CNTNAP2: variants seen among roughly 807,000 people sequenced by gnomAD.
The protein encoded by CNTNAP2 is contactin associated protein 2.
CNTNAP2 carries 98 observed loss-of-function variants against 155.2 expected under a neutral mutation model. That is an observed-to-expected ratio of 0.63 (90% CI 0.54 to 0.75). The LOEUF (loss-of-function observed/expected upper bound fraction) is 0.75. CNTNAP2 is among the 30% of genes least tolerant of loss of function. CNTNAP2 has a pLI of 0.00. For synonymous variants in CNTNAP2, 651 were observed against 631.2 expected (o/e 1.03, Z -0.47); for missense variants, 1,727 against 1,688.1 (o/e 1.02, Z -0.40).
At chr7:147,601,434 G>A (rs1800941549) in intron 12 of CNTNAP2, among the ~76,000 whole-genome samples, 1 of 151,954 alleles carries the variant, frequency 6.6e-6, no homozygotes. Context: ...TTTGAGCCAG[G>A]ATGAGCTAGG....
chr7:148,389,939 G>T (rs955883638), intron 22 of CNTNAP2: 2 of 152,142 alleles, frequency 1.3e-5, no homozygotes, highest in Non-Finnish European at 2.9e-5. Context: ...CCCTCGGGGG[G>T]ATAGGAGGGA....
chr7:146,655,189 G>A (rs1405562891), intron 1 of CNTNAP2, among the ~76,000 whole-genome samples: 1 of 151,774 alleles, frequency 6.6e-6, no homozygotes, highest in African/African-American at 2.4e-5. Flanking sequence ...GAGGCAGGTG[G>A]ATCACCTGAG....
chr7:146,993,948 A>T (rs190896832), intron 3 of CNTNAP2, among the ~76,000 whole-genome samples: 1 of 152,294 alleles, frequency 6.6e-6, no homozygotes, highest in Non-Finnish European at 1.5e-5. Flanking sequence ...AAATCAAGTA[A>T]GCCAGAATGT....
intron 1 of CNTNAP2, among the ~76,000 whole-genome samples, chr7:146,317,813 G>A (rs1800933947): frequency 6.6e-6 from 1 of 152,196 alleles, no homozygotes; most frequent in Non-Finnish European, 1.5e-5. Context: ...TCAAAGCAAT[G>A]TAAAGCTTGT....
intron 1 of CNTNAP2, among the ~76,000 whole-genome samples, chr7:146,250,462 A>C (rs1007739756): frequency 1.3e-5 from 2 of 152,218 alleles, no homozygotes; most frequent in South Asian, 4.1e-4. Context: ...CAGACTTGTT[A>C]CGACAAACCT....
intron 2 of CNTNAP2, among the ~76,000 whole-genome samples, chr7:146,810,138 T>G (rs1803037049): frequency 6.6e-6 from 1 of 152,180 alleles, no homozygotes; most frequent in African/African-American, 2.4e-5. Context: ...AATGGCATTA[T>G]CAAAGAGTAG....
chr7:148,415,563 G>C lies in CNTNAP2; in HGVS notation c.3943G>C (p.Asp1315His). The change falls in exon 24 of 24, where the codon GAC becomes CAC. Residue 1315 changes from aspartate (D) to histidine (H), a missense_variant. By Grantham distance (81) the Asp-to-His change is moderately conservative. Coordinates refer to ENST00000361727, the MANE Select transcript of CNTNAP2 (RefSeq NM_014141.6). ...ESADAAIMNN[D>H]PNFTETIDES... ...CGCGGACGCCGCCATCATGAACAAC[G>C]ACCCCAACTTCACAGAGACCATTGA... 1 of 1,614,212 alleles carries C rather than the reference G, an allele frequency of 6.2e-7. No homozygotes were observed. Among genetic ancestry groups the C allele is most frequent in the Non-Finnish European group, 8.5e-7 (1 of 1,180,040 alleles).
intron 1 of CNTNAP2, among the ~76,000 whole-genome samples, chr7:146,622,774 T>C (rs1303962957): frequency 1.3e-5 from 2 of 151,854 alleles, no homozygotes; most frequent in African/African-American, 4.8e-5. Flanking sequence ...CTGACCAATA[T>C]GGTGAAACCC....
intron 1 of CNTNAP2, among the ~76,000 whole-genome samples, chr7:146,545,943 A>G (rs567339014): frequency 9.2e-5 from 14 of 152,086 alleles, no homozygotes; most frequent in Non-Finnish European, 1.9e-4. Context: ...GTAAACAAAT[A>G]TAGCAAATAG....
At chr7:148,060,686 C>T (rs556431484) in intron 15 of CNTNAP2, among the ~76,000 whole-genome samples, 6 of 152,284 alleles carry the variant, frequency 3.9e-5, no homozygotes, top group African/African-American at 1.2e-4. Context: ...GTAAAATCAG[C>T]TCACTTCCAT....
At chr7:146,376,286 C>T (rs1410445638) in intron 1 of CNTNAP2, among the ~76,000 whole-genome samples, 6 of 151,922 alleles carry the variant, frequency 3.9e-5, no homozygotes, top group African/African-American at 7.3e-5. Context: ...TCTTGTGCTC[C>T]GAATTCCTTA....
intron 1 of CNTNAP2, among the ~76,000 whole-genome samples, chr7:146,439,114 TAA>T: frequency 6.6e-6 from 1 of 151,594 alleles, no homozygotes; most frequent in Non-Finnish European, 1.5e-5. Context: ...ATCTTAACAT[TAA>T]TACATCTGTT....
At chr7:146,778,895 G>A (rs919680110) in intron 2 of CNTNAP2, among the ~76,000 whole-genome samples, 2 of 152,192 alleles carry the variant, frequency 1.3e-5, no homozygotes, top group African/African-American at 4.8e-5. Context: ...CACTACCACA[G>A]AGGCTTAGTG....
At chr7:147,516,374 T>G (rs1424365860) in intron 11 of CNTNAP2, among the ~76,000 whole-genome samples, 1 of 152,250 alleles carries the variant, frequency 6.6e-6, no homozygotes, top group Non-Finnish European at 1.5e-5. Flanking sequence ...ATTAGTTTAT[T>G]GCTTATTTCC....
chr7:148,019,864 G>A (rs564609164), intron 15 of CNTNAP2, among the ~76,000 whole-genome samples: 1 of 152,198 alleles, frequency 6.6e-6, no homozygotes, highest in Admixed American at 6.5e-5. Flanking sequence ...TCAGCTCACT[G>A]CAACCTCCAC....
intron 1 of CNTNAP2, among the ~76,000 whole-genome samples, chr7:146,657,779 G>A (rs1010386276): frequency 6.6e-6 from 1 of 152,002 alleles, no homozygotes; most frequent in East Asian, 1.9e-4. Context: ...GTCAAAAAGA[G>A]TCTAATTTTA....
chr7:146,592,876 G>A (rs1563148535), intron 1 of CNTNAP2, among the ~76,000 whole-genome samples: 1 of 152,062 alleles, frequency 6.6e-6, no homozygotes. Context: ...AACCGCTACA[G>A]CTTGCAAACT....
At chr7:147,363,382 T>G (rs1796176168) in intron 9 of CNTNAP2, among the ~76,000 whole-genome samples, 1 of 152,196 alleles carries the variant, frequency 6.6e-6, no homozygotes, top group African/African-American at 2.4e-5. Flanking sequence ...TGGTATTTCT[T>G]CATAGCAGCT....
At chr7:147,080,093 T>C (rs1475277162) in intron 4 of CNTNAP2, among the ~76,000 whole-genome samples, 1 of 144,422 alleles carries the variant, frequency 6.9e-6, no homozygotes, top group Non-Finnish European at 1.5e-5. Flanking sequence ...AGCCAGCAAA[T>C]ATCCCCCCAA....
Sources: allele counts gnomAD v4.1 joint callset (sites outside exome capture counted in the v4.1 genomes callset), GRCh38; gene constraint gnomAD v4.1.1; transcripts MANE v1.5; gene names NCBI Gene and HGNC (gene_info 2026-07-23, HGNC 2026-07-21).